The following AGPAT4 variants were observed in gnomAD, a reference collection of about 807,000 sequenced individuals.
AGPAT4 encodes the protein 1-acylglycerol-3-phosphate O-acyltransferase 4, also known as 1-acyl-sn-glycerol-3-phosphate acyltransferase delta.
A neutral mutation model predicts 48.0 loss-of-function variants in AGPAT4; 15 were observed. The ratio of observed to expected loss-of-function variants is 0.31; its 90% CI spans 0.21 to 0.48. AGPAT4 has a LOEUF of 0.48. AGPAT4 is among the 20% of genes least tolerant of loss of function. The pLI, the probability that AGPAT4 is intolerant of heterozygous loss-of-function variation, is 0.99. For missense variants in AGPAT4, 314 were observed against 482.5 expected, an observed-to-expected ratio of 0.65 and a Z score of 3.27; for synonymous variants, 178 against 198.7, an observed-to-expected ratio of 0.90 and a Z score of 0.88.
At position 161,180,197 on chromosome 6, in the gene AGPAT4, TAG is replaced by T. The variant is rs1780543994; in HGVS notation, c.179-13782_179-13781del. On this transcript the variant is annotated intron_variant, in intron 2 of 8. Transcript: ENST00000320285. The surrounding 1 kb of genome is among the most constrained non-coding windows in gnomAD (Gnocchi z 6.4). ...CAGGCAAGCTCTTCCCTGACGCAGG[TAG>T]AGAGGGGTCTTAGGCTCCCCTTCCC... Among the ~76,000 whole-genome samples the T allele has an allele frequency of 6.6e-6, 1 of 152,030 alleles. No individual in the cohort carries two copies. The highest frequency in any genetic ancestry group is 6.5e-5 in the Admixed American group (1 of 15,270).
chr6:161,137,682 T>C lies in AGPAT4; in HGVS notation c.1043-1048A>G, dbSNP rs1406363147. ...CAAAGTCCTTCAGGGAAGAATGCAGTCAGGCGCAGGCTCAGAGTAATGGGG... is the reference window on the plus strand; with the variant it reads ...CAAAGTCCTTCAGGGAAGAATGCAGCCAGGCGCAGGCTCAGAGTAATGGGG... On this transcript the variant is annotated intron_variant, in intron 8 of 8. Coordinates refer to ENST00000320285, the MANE Select transcript of AGPAT4 (RefSeq NM_020133.3). This position sits in a 1 kb window ranked among gnomAD's most constrained non-coding sequence, Gnocchi z 6.1. Among the ~76,000 whole-genome samples the C allele has an allele frequency of 6.6e-6, 1 of 152,118 alleles. No homozygotes were observed. The highest frequency in any genetic ancestry group is 1.5e-5 in the Non-Finnish European group (1 of 68,036).
At position 161,215,400 on chromosome 6, in the gene AGPAT4, T is replaced by C. The variant is rs1228376040; in HGVS notation, c.178+16636A>G. On this transcript the variant is annotated intron_variant, in intron 2 of 8. Coordinates refer to ENST00000320285, the MANE Select transcript of AGPAT4 (RefSeq NM_020133.3). The surrounding 1 kb of genome is among the most constrained non-coding windows in gnomAD (Gnocchi z 4.5). Reference sequence around the variant, plus strand: ...TCCTTCTCTGCCATTTCCCATACTCTTGGATTTACAAAACATACGCATATA... The same window carrying C: ...TCCTTCTCTGCCATTTCCCATACTCCTGGATTTACAAAACATACGCATATA... Among the ~76,000 whole-genome samples the C allele has an allele frequency of 1.3e-5, 2 of 152,184 alleles. No individual in the cohort carries two copies. The highest frequency in any genetic ancestry group is 4.8e-5 in the African/African-American group (2 of 41,448).
rs1414767220 is a variant in AGPAT4, at chr6:161,233,221, A to G, written c.-89-919T>C. Among the ~76,000 whole-genome samples, 2 of 152,176 alleles carry G rather than the reference A, an allele frequency of 1.3e-5. No homozygotes were observed. The highest frequency in any genetic ancestry group is 2.9e-5 in the Non-Finnish European group (2 of 68,044). On this transcript the variant is annotated intron_variant, in intron 1 of 8. Transcript: ENST00000320285. The surrounding 1 kb of genome is among the most constrained non-coding windows in gnomAD (Gnocchi z 5.4). The stretch of plus-strand genomic sequence containing the variant: ...CATACAGTTAGACTCACAGTCCTGT[A>G]ATCAGTCTCCAGCTCAAAACAGAAT...
intron 1 of AGPAT4, among the ~76,000 whole-genome samples, chr6:161,258,274 C>A (rs926178036): frequency 6.6e-6 from 1 of 152,190 alleles, no homozygotes; most frequent in Admixed American, 6.5e-5. Flanking sequence ...GGAAGTAACT[C>A]AAAATGACTG....
At position 161,255,312 on chromosome 6, in the gene AGPAT4, C is replaced by T. The variant is rs1463481921; in HGVS notation, c.-90+18626G>A. Among the ~76,000 whole-genome samples the T allele has an allele frequency of 6.6e-6, 1 of 152,182 alleles. No individual in the cohort carries two copies. The highest frequency in any genetic ancestry group is 1.5e-5 in the Non-Finnish European group (1 of 68,038). Reference sequence around the variant, plus strand: ...TTTTGGGAAGTGAATGAAACACATCCAGCTGTAGTTCTTCTGATGTTAGAA... The same window carrying T: ...TTTTGGGAAGTGAATGAAACACATCTAGCTGTAGTTCTTCTGATGTTAGAA... On this transcript the variant is annotated intron_variant, in intron 1 of 8. Coordinates refer to ENST00000320285, the MANE Select transcript of AGPAT4 (RefSeq NM_020133.3). The surrounding 1 kb of genome is among the most constrained non-coding windows in gnomAD (Gnocchi z 4.7).
chr6:161,206,623 T>C lies in AGPAT4; in HGVS notation c.178+25413A>G, dbSNP rs181834796. On this transcript the variant is annotated intron_variant, in intron 2 of 8. Transcript: ENST00000320285. The surrounding 1 kb of genome is among the most constrained non-coding windows in gnomAD (Gnocchi z 4.8). ...AACATAATTCTCCAAATGTCCAAGA[T>C]ACAATTGAAAAATCACTTGACATGC... 1.6e-4 allele frequency among the ~76,000 whole-genome samples: 24 copies of C among 152,206 alleles called. No homozygotes were observed. Among genetic ancestry groups the C allele is most frequent in the African/African-American group, 5.8e-4 (24 of 41,530 alleles).
rs972382996 is a variant in AGPAT4 at position 161,148,462 on chromosome 6, G to C, written c.767+725C>G. The stretch of plus-strand genomic sequence containing the variant: ...GGTGCTGTGTTGTAATGTGGCTTCT[G>C]TAAGGTCTTGAATCAGAAGGTTATA... On this transcript the variant is annotated intron_variant, in intron 6 of 8. Coordinates refer to ENST00000320285, the MANE Select transcript of AGPAT4 (RefSeq NM_020133.3). This position sits in a 1 kb window ranked among gnomAD's most constrained non-coding sequence, Gnocchi z 5.5. Among the ~76,000 whole-genome samples, 1 of 152,190 alleles carries C rather than the reference G, an allele frequency of 6.6e-6. No homozygotes were observed. Among genetic ancestry groups the C allele is most frequent in the East Asian group, 1.9e-4 (1 of 5,200 alleles).
chr6:161,247,780 C>T (rs576008760), intron 1 of AGPAT4, among the ~76,000 whole-genome samples: 131 of 152,016 alleles, frequency 8.6e-4, no homozygotes, highest in African/African-American at 3.0e-3. Context: ...GTCAGGAGTT[C>T]GAGACCAGCC....
Position 161,139,694 on chromosome 6 carries a change from C to T in AGPAT4, c.844-74G>A. Reference sequence around the variant, plus strand: ...CAGGTCCCTCCCGAGGCCCTGCTTCCAAGGGAATCGCAGAGATACACAGGT... The same window carrying T: ...CAGGTCCCTCCCGAGGCCCTGCTTCTAAGGGAATCGCAGAGATACACAGGT... On this transcript the variant is annotated intron_variant, in intron 7 of 8. Coordinates refer to ENST00000320285, the MANE Select transcript of AGPAT4 (RefSeq NM_020133.3). The surrounding 1 kb of genome is among the most constrained non-coding windows in gnomAD (Gnocchi z 9.1). 3 of 1,373,922 alleles carry T rather than the reference C, an allele frequency of 2.2e-6. No individual in the cohort carries two copies. Among genetic ancestry groups the T allele is most frequent in the Non-Finnish European group, 1.0e-6 (1 of 1,002,954 alleles). The allele number at this position is 1,373,922 out of a possible 1,614,324, so 85.1% of individuals were successfully genotyped here. A position where few individuals can be genotyped will look rare whatever the true frequency, so the allele number is the denominator to read the frequency against.
rs572351978 is a variant in AGPAT4, at chr6:161,266,044, C to T, written c.-90+7894G>A. Among the ~76,000 whole-genome samples, 3 of 152,242 alleles carry T rather than the reference C, an allele frequency of 2.0e-5. No individual in the cohort carries two copies. The South Asian group carries it at 6.2e-4, about 32-fold the overall frequency. Reference sequence around the variant, plus strand: ...AGTGTACCTGACAGAGCCGGGAATTCCCCCTCAAGCAGTGGTTCTCAGCTG... The same window carrying T: ...AGTGTACCTGACAGAGCCGGGAATTTCCCCTCAAGCAGTGGTTCTCAGCTG... On this transcript the variant is annotated intron_variant, in intron 1 of 8. Coordinates refer to ENST00000320285, the MANE Select transcript of AGPAT4 (RefSeq NM_020133.3). This position sits in a 1 kb window ranked among gnomAD's most constrained non-coding sequence, Gnocchi z 6.2.
rs1375144242 is a variant in AGPAT4, at chr6:161,219,872, T to TAGATAGATAGGCAGGC, written c.178+12163_178+12164insGCCTGCCTATCTATCT. ...ATAGATAGATAGATAGATAGATAGA[T>TAGATAGATAGGCAGGC]AGGCAGGCAGGCAGGCAGGCAGGCA... On this transcript the variant is annotated intron_variant, in intron 2 of 8. Transcript: ENST00000320285. The surrounding 1 kb of genome is among the most constrained non-coding windows in gnomAD (Gnocchi z 4.9). 2.5e-3 allele frequency among the ~76,000 whole-genome samples: 300 copies of TAGATAGATAGGCAGGC among 120,990 alleles called. 1 individual carries two copies. Among genetic ancestry groups the TAGATAGATAGGCAGGC allele is most frequent in the Middle Eastern group, 4.7e-3 (1 of 214 alleles). The allele number at this position is 120,990 out of a possible 152,430, so 79.4% of individuals were successfully genotyped here.
In AGPAT4 at chr6:161,236,320, G is replaced by A. The variant is rs1051286262; in HGVS notation, c.-89-4018C>T. Among the ~76,000 whole-genome samples, 4 of 152,022 alleles carry A rather than the reference G, an allele frequency of 2.6e-5. No homozygotes were observed. Among genetic ancestry groups the A allele is most frequent in the Admixed American group, 2.0e-4 (3 of 15,260 alleles). ...TATCAAGGCCAAAAATGATGAACTC[G>A]TGTGCTTGACAAAGTAAAGATGATG... On this transcript the variant is annotated intron_variant, in intron 1 of 8. Coordinates refer to ENST00000320285, the MANE Select transcript of AGPAT4 (RefSeq NM_020133.3). This position sits in a 1 kb window ranked among gnomAD's most constrained non-coding sequence, Gnocchi z 5.0.
Position 161,142,857 on chromosome 6 carries a change from C to A in AGPAT4, c.844-3237G>T, listed in dbSNP as rs377164544. 7.9e-5 allele frequency among the ~76,000 whole-genome samples: 12 copies of A among 152,348 alleles called. No individual in the cohort carries two copies. In the South Asian group the frequency reaches 2.5e-3, roughly 32 times the overall value. ...AAAGGACTTACCATGGGAGCCAAGC[C>A]TTGAGGCTCCCTGCTGCCCTTCTAA... On this transcript the variant is annotated intron_variant, in intron 7 of 8. Transcript: ENST00000320285. This position sits in a 1 kb window ranked among gnomAD's most constrained non-coding sequence, Gnocchi z 6.4.
chr6:161,199,446 T>C (rs1562335080), intron 2 of AGPAT4, among the ~76,000 whole-genome samples: 4 of 152,050 alleles, frequency 2.6e-5, no homozygotes. Flanking sequence ...GATGTGGTCA[T>C]ACACACACAC....
At chr6:161,175,186 T>C (rs1054218082) in intron 2 of AGPAT4, among the ~76,000 whole-genome samples, 6 of 152,194 alleles carry the variant, frequency 3.9e-5, no homozygotes, top group African/African-American at 1.2e-4. Context: ...GAGGATTCTC[T>C]TTTTTTCTAT....
intron 2 of AGPAT4, among the ~76,000 whole-genome samples, chr6:161,176,626 T>C (rs866669259): frequency 8.5e-5 from 13 of 152,222 alleles, no homozygotes; most frequent in Non-Finnish European, 1.3e-4. Context: ...AATTGGAGCA[T>C]TTAGCCCATT....
chr6:161,210,572 T>C (rs563324301), intron 2 of AGPAT4, among the ~76,000 whole-genome samples: 2 of 152,138 alleles, frequency 1.3e-5, no homozygotes, highest in Non-Finnish European at 2.9e-5. Context: ...AAATACTTTA[T>C]CAGGAAAAAG....
intron 5 of AGPAT4, among the ~76,000 whole-genome samples, chr6:161,150,339 G>C (rs1176005127): frequency 6.6e-6 from 1 of 152,204 alleles, no homozygotes; most frequent in Non-Finnish European, 1.5e-5. Flanking sequence ...TCCTGGAGAA[G>C]GGAGCCTCTG....
At chr6:161,170,463 GTGCGCGCGCGCACA>G (rs1780233190) in intron 2 of AGPAT4, among the ~76,000 whole-genome samples, 1 of 29,200 alleles carries the variant, frequency 3.4e-5, no homozygotes, top group East Asian at 6.3e-4. Context: ...GCGTGCACAC[GTGCGCGCGCGCACA>G]CACACACACA....
Sources: gnomAD v4.1 joint callset for allele counts (sites outside exome capture counted in the v4.1 genomes callset) on GRCh38, gnomAD v4.1.1 for gene constraint, Gnocchi (gnomAD v3.1) non-coding constraint, MANE v1.5 for transcripts, NCBI Gene and HGNC (gene_info 2026-07-23, HGNC 2026-07-21) for gene names.